CNTNAP4: variants seen among roughly 807,000 people sequenced by gnomAD.
The protein encoded by CNTNAP4 is contactin-associated protein-like 4.
In CNTNAP4, 98 loss-of-function variants were observed where a neutral mutation model predicts 148.4. The ratio of observed to expected loss-of-function variants is 0.66; its 90% CI spans 0.56 to 0.78. CNTNAP4 has a LOEUF of 0.78. Among genes scored for constraint, CNTNAP4 ranks in the 30% least tolerant of loss-of-function variants. The pLI is 0.00. For synonymous variants in CNTNAP4, 730 were observed against 565.1 expected (o/e 1.29, Z -4.14); for missense variants, 1,935 against 1,565.6 (o/e 1.24, Z -3.98).
intron 3 of CNTNAP4, among the ~76,000 whole-genome samples, chr16:76,397,360 T>C (rs1414479076): frequency 6.6e-6 from 1 of 151,844 alleles, no homozygotes. Context: ...AGGAGAATTA[T>C]GAGGAAAGGG....
At chr16:76,294,607 T>C (rs1252394689) in intron 1 of CNTNAP4, among the ~76,000 whole-genome samples, 1 of 152,230 alleles carries the variant, frequency 6.6e-6, no homozygotes, top group Non-Finnish European at 1.5e-5. Context: ...ATTTTTTACA[T>C]TCCTTGGATA....
chr16:76,368,641 G>T (rs1194849713), intron 3 of CNTNAP4, among the ~76,000 whole-genome samples: 1 of 151,976 alleles, frequency 6.6e-6, no homozygotes, highest in Non-Finnish European at 1.5e-5. Flanking sequence ...ATGGGCACAG[G>T]GAGGGGAACA....
At chr16:76,383,036 T>C (rs1235443136) in intron 3 of CNTNAP4, among the ~76,000 whole-genome samples, 5 of 152,072 alleles carry the variant, frequency 3.3e-5, no homozygotes, top group Non-Finnish European at 7.4e-5. Flanking sequence ...TATCCATCTT[T>C]ATGGGAAGAT....
At chr16:76,328,922 C>T (rs940288047) in intron 2 of CNTNAP4, among the ~76,000 whole-genome samples, 2 of 152,140 alleles carry the variant, frequency 1.3e-5, no homozygotes, top group Admixed American at 6.5e-5. Flanking sequence ...TGGGCGTGAG[C>T]CACTGTGCCT....
At chr16:76,368,945 C>T (rs955255141) in intron 3 of CNTNAP4, among the ~76,000 whole-genome samples, 1 of 152,016 alleles carries the variant, frequency 6.6e-6, no homozygotes, top group African/African-American at 2.4e-5. Flanking sequence ...AGTTATGGAA[C>T]ACTTCCATCA....
chr16:76,465,460 G>A (rs2081141392), intron 9 of CNTNAP4, among the ~76,000 whole-genome samples: 1 of 152,144 alleles, frequency 6.6e-6, no homozygotes, highest in Admixed American at 6.5e-5. Flanking sequence ...CTTTCCTGGT[G>A]ACTCTGGGTT....
At chr16:76,399,583 G>A (rs981380726) in intron 3 of CNTNAP4, among the ~76,000 whole-genome samples, 6 of 152,134 alleles carry the variant, frequency 3.9e-5, no homozygotes, top group Admixed American at 1.3e-4. Flanking sequence ...CAATGTCCAG[G>A]TTAAGGGAAT....
At chr16:76,413,325 T>C (rs950508181) in intron 3 of CNTNAP4, among the ~76,000 whole-genome samples, 1 of 151,356 alleles carries the variant, frequency 6.6e-6, no homozygotes, top group Non-Finnish European at 1.5e-5. Context: ...TTTTTGATTT[T>C]TAGATTTTTC....
At chr16:76,436,521 C>T (rs1350813883) in intron 4 of CNTNAP4, among the ~76,000 whole-genome samples, 1 of 152,074 alleles carries the variant, frequency 6.6e-6, no homozygotes, top group Non-Finnish European at 1.5e-5. Context: ...TGACTCGGGT[C>T]AGTCTTAGAA....
intron 2 of CNTNAP4, 57 bp from the exon 3 acceptor site, chr16:76,355,261 A>T: frequency 7.5e-7 from 1 of 1,334,504 alleles, no homozygotes; most frequent in Non-Finnish European, 1.0e-6. Context: ...TTACAAACAT[A>T]GATTTTTAAC....
chr16:76,291,065 C>T (rs925812298), intron 1 of CNTNAP4, among the ~76,000 whole-genome samples: 1 of 152,132 alleles, frequency 6.6e-6, no homozygotes, highest in African/African-American at 2.4e-5. Context: ...AACATAATTG[C>T]CTCCTGTTAT....
intron 2 of CNTNAP4, among the ~76,000 whole-genome samples, chr16:76,329,055 A>G (rs543385970): frequency 6.6e-6 from 1 of 152,366 alleles, no homozygotes; most frequent in South Asian, 2.1e-4. Flanking sequence ...TTTGTTAAAA[A>G]CACATGTAAA....
In CNTNAP4 at chr16:76,277,594, A is replaced by G. The variant is rs1204751656; in HGVS notation, c.-69A>G. The G allele has an allele frequency of 2.9e-6, 3 of 1,023,930 alleles. No homozygotes were observed. The highest frequency in any genetic ancestry group is 1.6e-5 in the African/African-American group (1 of 63,116). The allele number at this position is 1,023,930 out of a possible 1,614,324, so 63.4% of individuals were successfully genotyped here. A position where few individuals can be genotyped will look rare whatever the true frequency, so the allele number is the denominator to read the frequency against. The stretch of plus-strand genomic sequence containing the variant: ...AGACCCAGACAGAGCTGGCAGAGCT[A>G]CTGAGAAGAGGACTGGAGCGCTCTG... On this transcript the variant is annotated 5_prime_UTR_variant, in exon 1 of 24. Coordinates refer to ENST00000611870, the MANE Select transcript of CNTNAP4 (RefSeq NM_033401.5).
rs757307655 is a variant in CNTNAP4, at chr16:76,540,727, G to A, written c.3379G>A (p.Val1127Ile). 13 of 1,574,808 alleles carry A rather than the reference G, an allele frequency of 8.3e-6. No individual in the cohort carries two copies. Among genetic ancestry groups the A allele is most frequent in the African/African-American group, 1.3e-5 (1 of 74,208 alleles). ...IEIDDNRRRQVHLSSGTEFSA... is the reference protein window; with the variant it reads ...IEIDDNRRRQIHLSSGTEFSA... ...GATTGACGATAATAGAAGGAGACAA[G>A]TTCACCTGTCATCAGGCACAGAATT... Residue 1127 changes from valine to isoleucine, a missense_variant, in exon 21 of 24, where the codon GTT becomes ATT. Physicochemically the swap from Val to Ile is conservative, Grantham distance 29. Coordinates refer to ENST00000611870, the MANE Select transcript of CNTNAP4 (RefSeq NM_033401.5).
chr16:76,416,048 T>C (rs2078969926), intron 3 of CNTNAP4, among the ~76,000 whole-genome samples: 1 of 151,198 alleles, frequency 6.6e-6, no homozygotes, highest in Non-Finnish European at 1.5e-5. Context: ...CTTCTATCCT[T>C]AACTCATTTA....
intron 3 of CNTNAP4, among the ~76,000 whole-genome samples, chr16:76,414,518 T>G (rs2144942462): frequency 6.6e-6 from 1 of 151,290 alleles, no homozygotes; most frequent in Non-Finnish European, 1.5e-5. Context: ...GATTTTAATA[T>G]CAGGGTTATG....
intron 1 of CNTNAP4, among the ~76,000 whole-genome samples, chr16:76,295,110 G>A (rs1959202324): frequency 6.6e-6 from 1 of 152,152 alleles, no homozygotes; most frequent in Non-Finnish European, 1.5e-5. Flanking sequence ...GTGCAATGAG[G>A]GAGAGGCATA....
chr16:76,435,232 G>C (rs1464323236), intron 4 of CNTNAP4, among the ~76,000 whole-genome samples: 1 of 152,102 alleles, frequency 6.6e-6, no homozygotes, highest in Non-Finnish European at 1.5e-5. Context: ...ATTCAAATGA[G>C]TCTTTTGTCA....
intron 4 of CNTNAP4, among the ~76,000 whole-genome samples, chr16:76,437,757 A>T (rs2079884175): frequency 1.3e-5 from 2 of 152,118 alleles, no homozygotes; most frequent in South Asian, 2.1e-4. Context: ...CTCTTTAATT[A>T]AATATTTTAG....
Sources: allele counts gnomAD v4.1 joint callset (sites outside exome capture counted in the v4.1 genomes callset), GRCh38; gene constraint gnomAD v4.1.1; transcripts MANE v1.5; gene names NCBI Gene and HGNC (gene_info 2026-07-23, HGNC 2026-07-21).